The following ALDH7A1 variants were observed in gnomAD, a reference collection of about 807,000 sequenced individuals.
The protein encoded by ALDH7A1 is alpha-aminoadipic semialdehyde dehydrogenase.
A neutral mutation model predicts 79.9 loss-of-function variants in ALDH7A1; 63 were observed. The ratio of observed to expected loss-of-function variants is 0.79; its 90% CI spans 0.64 to 0.97. The LOEUF (loss-of-function observed/expected upper bound fraction) is 0.97, where lower values mean the gene tolerates loss of function less well. Ranked by LOEUF, ALDH7A1 falls within the 50% of genes least tolerant of loss-of-function variation. ALDH7A1 has a pLI of 0.00. For missense variants in ALDH7A1, 627 were observed against 665.2 expected (o/e 0.94, Z 0.63); for synonymous variants, 240 against 231.2 (o/e 1.04, Z -0.34).
At chr5:126,565,344 G>C in intron 9 of ALDH7A1, among the ~76,000 whole-genome samples, 1 of 125,578 alleles carries the variant, frequency 8.0e-6, no homozygotes, top group East Asian at 2.5e-4. Context: ...AGTGAGCCAG[G>C]ATCTCCCCAC....
chr5:126,592,221 G>C, intron 3 of ALDH7A1: 1 of 182,178 alleles, frequency 5.5e-6, no homozygotes, highest in South Asian at 1.2e-4. Context: ...TGAGCCACCA[G>C]GTGCGATCTG....
At chr5:126,547,499 G>C (rs1250166235) in intron 16 of ALDH7A1, among the ~76,000 whole-genome samples, 1 of 152,118 alleles carries the variant, frequency 6.6e-6, no homozygotes, top group Non-Finnish European at 1.5e-5. Flanking sequence ...AGGCCTGCAG[G>C]GCCCTCCCTG....
chr5:126,558,920 C>A (rs1436192676), intron 11 of ALDH7A1, among the ~76,000 whole-genome samples: 1 of 152,140 alleles, frequency 6.6e-6, no homozygotes, highest in Non-Finnish European at 1.5e-5. Context: ...TTATTTTTAT[C>A]TTGTTTTGTT....
chr5:126,563,647 C>T (rs747155243), intron 9 of ALDH7A1, among the ~76,000 whole-genome samples: 3 of 152,092 alleles, frequency 2.0e-5, no homozygotes, highest in Admixed American at 1.3e-4. Context: ...TGCACCATCA[C>T]GCCCAGCTCT....
In ALDH7A1 at chr5:126,577,129, C is replaced by A. The variant is rs1751002158; in HGVS notation, c.600G>T (p.Val200=). Residue 200 remains valine, a synonymous_variant, in exon 6 of 18, where the codon GTG becomes GTT. Coordinates refer to ENST00000409134, the MANE Select transcript of ALDH7A1 (RefSeq NM_001182.5). ...TGGCGATGGCGTTGTTCCAACCATA[C>A]ACTGCCACAGGGAAATTGAATGCCG... ...IITAFNFPVA[V]YGWNNAIAMI... The A allele has an allele frequency of 1.2e-6, 2 of 1,614,052 alleles. No individual in the cohort carries two copies. The highest frequency in any genetic ancestry group is 1.1e-5 in the South Asian group (1 of 91,088).
At chr5:126,549,815 G>A in intron 16 of ALDH7A1, 114 bp downstream of exon 16, 1 of 974,402 alleles carries the variant, frequency 1.0e-6, no homozygotes, top group Non-Finnish European at 1.7e-6. Flanking sequence ...GATCACATAA[G>A]GTTATTTCAG....
chr5:126,593,331 A>G lies in ALDH7A1; in HGVS notation c.246+20T>C, dbSNP rs1561672936. On this transcript the variant is annotated intron_variant, in intron 2 of 17. Transcript: ENST00000409134. The stretch of plus-strand genomic sequence containing the variant: ...TAAACACACACACACACACACACAC[A>G]CACACACACACACTCTTACCTGTCG... 1 of 1,611,550 alleles carries G rather than the reference A, an allele frequency of 6.2e-7. No individual in the cohort carries two copies. The highest frequency in any genetic ancestry group is 1.1e-5 in the South Asian group (1 of 90,908).
In ALDH7A1 at chr5:126,560,471, CA is replaced by C. The variant is rs965425864; in HGVS notation, c.913+611del. On this transcript the variant is annotated intron_variant, in intron 10 of 17. Transcript: ENST00000409134. ...GGGTGACAGAGTAAGACTCCCGTCT[CA>C]AAAAAAAAAGTTCATCCAGAACAAA... 1.4e-4 allele frequency among the ~76,000 whole-genome samples: 21 copies of C among 148,830 alleles called. 1 individual carries two copies. The highest frequency in any genetic ancestry group is 1.2e-3 in the Admixed American group (18 of 14,902).
chr5:126,575,531 A>T (rs1750935887), intron 6 of ALDH7A1, 67 bp from the exon 7 acceptor site: 2 of 1,404,700 alleles, frequency 1.4e-6, no homozygotes, highest in Non-Finnish European at 2.0e-6. Flanking sequence ...AATACCTTTT[A>T]TTATCAAACA....
intron 3 of ALDH7A1, among the ~76,000 whole-genome samples, chr5:126,585,462 C>T (rs1751327765): frequency 6.6e-6 from 1 of 152,178 alleles, no homozygotes; most frequent in Non-Finnish European, 1.5e-5. Flanking sequence ...TTCTTCCTTG[C>T]TCTCTCTTCT....
At position 126,570,694 on chromosome 5, in the gene ALDH7A1, T is replaced by C. The variant is rs1489558902; in HGVS notation, c.773+88A>G. ...AAAACCATTCTCAACTCCTTAGTTA[T>C]AAGTGAGTTCATTATTCTAGTAACG... On this transcript the variant is annotated intron_variant, in intron 8 of 17. Coordinates refer to ENST00000409134, the MANE Select transcript of ALDH7A1 (RefSeq NM_001182.5). 9 of 1,257,408 alleles carry C rather than the reference T, an allele frequency of 7.2e-6. No individual in the cohort carries two copies. In the East Asian group the frequency reaches 1.2e-4, roughly 16 times the overall value. 77.9% of individuals were successfully genotyped at this position (1,257,408 alleles called of 1,614,324 possible). A position where few individuals can be genotyped will look rare whatever the true frequency, so the allele number is the denominator to read the frequency against.
chr5:126,573,495 C>G (rs1005745115), intron 7 of ALDH7A1, among the ~76,000 whole-genome samples: 1 of 151,624 alleles, frequency 6.6e-6, no homozygotes, highest in African/African-American at 2.4e-5. Flanking sequence ...GTCAGGAGAT[C>G]GAGACCATCC....
Position 126,559,284 on chromosome 5 carries a change from C to T in ALDH7A1, c.964G>A (p.Ala322Thr). ...CACCTCTGGCCAGCTGTTCCCACAG[C>T]AGCGAAGAGAGCTGATGGAACAACT... ...SLVVPSALFA[A>T]VGTAGQRCTT... is the part of the protein sequence containing the mutation. The change falls in exon 11 of 18, where the codon GCT (alanine) becomes ACT (threonine). Residue 322 changes from alanine to threonine, a missense_variant. Transcript: ENST00000409134. The T allele has an allele frequency of 3.1e-6, 5 of 1,614,002 alleles. No homozygotes were observed. Among genetic ancestry groups the T allele is most frequent in the Non-Finnish European group, 4.2e-6 (5 of 1,179,904 alleles).
chr5:126,555,858 A>G (rs1417688464), intron 12 of ALDH7A1, 73 bp downstream of exon 12: 9 of 1,266,720 alleles, frequency 7.1e-6, no homozygotes, highest in Non-Finnish European at 9.2e-6. Context: ...AAACTCCAAA[A>G]CTCAGATCAG....
Position 126,590,665 on chromosome 5 carries a change from G to A in ALDH7A1, c.312+1999C>T, listed in dbSNP as rs554831327. Among the ~76,000 whole-genome samples the A allele has an allele frequency of 4.6e-5, 7 of 152,134 alleles. No individual in the cohort carries two copies. In the East Asian group the frequency reaches 7.7e-4, roughly 17 times the overall value. Reference sequence around the variant, plus strand: ...TTTGGGAGGCCAAAGAGGGCAGATCGTTTGAACTTAGGAGTTCGAGACCGC... The same window carrying A: ...TTTGGGAGGCCAAAGAGGGCAGATCATTTGAACTTAGGAGTTCGAGACCGC... On this transcript the variant is annotated intron_variant, in intron 3 of 17. Transcript: ENST00000409134.
At chr5:126,594,048 A>T in intron 1 of ALDH7A1, 1 of 354,190 alleles carries the variant, frequency 2.8e-6, no homozygotes, top group South Asian at 2.2e-5. Flanking sequence ...TAACTGTTAC[A>T]TAACATCCTC....
Position 126,550,291 on chromosome 5 carries a change from A to G in ALDH7A1, c.1320T>C (p.Asn440=), listed in dbSNP as rs755365818. 11 of 1,605,418 alleles carry G rather than the reference A, an allele frequency of 6.9e-6. No individual in the cohort carries two copies. Among genetic ancestry groups the G allele is most frequent in the Non-Finnish European group, 9.4e-6 (11 of 1,172,750 alleles). The change falls in exon 15 of 18, where the codon AAT becomes AAC. Residue 440 remains asparagine (N), a splice_region_variant and synonymous_variant. Transcript: ENST00000409134. ...APILYVFKFK[N]EEEVFAWNNE... ...TATTCCATGCAAAGACCTCTTCTTC[A>G]TTCTAAAAGGAGAGACATTGGAAGC...
intron 3 of ALDH7A1, among the ~76,000 whole-genome samples, chr5:126,585,497 G>A (rs1022913624): frequency 6.6e-6 from 1 of 152,110 alleles, no homozygotes; most frequent in Non-Finnish European, 1.5e-5. Flanking sequence ...CTGTCTCTTA[G>A]TACAGCTTCT....
At chr5:126,594,187 A>T in intron 1 of ALDH7A1, 1 of 471,130 alleles carries the variant, frequency 2.1e-6, no homozygotes, top group South Asian at 1.5e-5. Flanking sequence ...GCAATGGAGA[A>T]ATGCTGAAAA....
Sources: allele counts gnomAD v4.1 joint callset (sites outside exome capture counted in the v4.1 genomes callset), GRCh38; gene constraint gnomAD v4.1.1; transcripts MANE v1.5; gene names NCBI Gene and HGNC (gene_info 2026-07-23, HGNC 2026-07-21).